The following PDE1C variants were observed in gnomAD, a reference collection of about 807,000 sequenced individuals.
PDE1C encodes phosphodiesterase 1C, also known as dual specificity calcium/calmodulin-dependent 3',5'-cyclic nucleotide phosphodiesterase 1C.
A neutral mutation model predicts 93.1 loss-of-function variants in PDE1C; 62 were observed. The observed-to-expected ratio is 0.67, with a 90% CI of 0.54 to 0.82. The LOEUF is 0.82. Among genes scored for constraint, PDE1C ranks in the 40% least tolerant of loss-of-function variants. The pLI, the probability that PDE1C is intolerant of heterozygous loss-of-function variation, is 0.00. For synonymous variants in PDE1C, 325 were observed against 310.1 expected (o/e 1.05, Z -0.50); for missense variants, 742 against 884.6 (o/e 0.84, Z 2.04).
At chr7:32,163,884 AG>A (rs1802064530) in intron 3 of PDE1C, among the ~76,000 whole-genome samples, 1 of 152,154 alleles carries the variant, frequency 6.6e-6, no homozygotes, top group South Asian at 2.1e-4. Flanking sequence ...TCTCCCAAAC[AG>A]GGTTTTAAAA....
chr7:32,384,230 G>C (rs910328153), intron 1 of PDE1C, among the ~76,000 whole-genome samples: 7 of 152,124 alleles, frequency 4.6e-5, no homozygotes, highest in African/African-American at 1.7e-4. Flanking sequence ...AATAAACATG[G>C]TTTCAGTCCA....
intron 1 of PDE1C, among the ~76,000 whole-genome samples, chr7:32,355,992 C>A (rs1445255627): frequency 6.6e-6 from 1 of 152,148 alleles, no homozygotes; most frequent in Non-Finnish European, 1.5e-5. Context: ...GGGATGTGTT[C>A]CTCATTGAGA....
intron 2 of PDE1C, among the ~76,000 whole-genome samples, chr7:31,961,321 T>C (rs1808925314): frequency 6.6e-6 from 1 of 151,960 alleles, no homozygotes; most frequent in South Asian, 2.1e-4. Flanking sequence ...TACACACATA[T>C]ATACATATAC....
chr7:31,724,815 A>G, the PDE1C span, among the ~76,000 whole-genome samples: 1 of 152,158 alleles, frequency 6.6e-6, no homozygotes, highest in Non-Finnish European at 1.5e-5. Flanking sequence ...ATAGACATAT[A>G]AGGTGGGCTG....
At chr7:32,350,576 ATATATATATATATATTTTT>A (rs1218819492) in intron 1 of PDE1C, among the ~76,000 whole-genome samples, 9 of 874 alleles carry the variant, frequency 0.01, 2 homozygotes, top group African/African-American at 0.012. Context: ...ATATATATAT[ATATATATATATATATTTTT>A]TTTTTTTTTT....
At position 31,977,624 on chromosome 7, in the gene PDE1C, T is replaced by C. The variant is rs376487197; in HGVS notation, c.128+73930A>G. ...ACCTGACCCAAATTACTTTGTATCA[T>C]GCTACACTAATCACTACTATCATAA... On this transcript the variant is annotated intron_variant, in intron 2 of 17. Coordinates refer to ENST00000396191, the MANE Select transcript of PDE1C (RefSeq NM_001191057.4). Among the ~76,000 whole-genome samples, 11 of 152,308 alleles carry C rather than the reference T, an allele frequency of 7.2e-5. 3 individuals are homozygous for C.
upstream of PDE1C, among the ~76,000 whole-genome samples, chr7:32,071,824 G>A (rs1440955173): frequency 6.6e-6 from 1 of 152,152 alleles, no homozygotes; most frequent in Non-Finnish European, 1.5e-5. Flanking sequence ...GATTGCAAGC[G>A]ACATCACAGA....
intron 17 of PDE1C, among the ~76,000 whole-genome samples, chr7:31,762,528 T>C (rs981145622): frequency 6.6e-6 from 1 of 152,006 alleles, no homozygotes; most frequent in African/African-American, 2.4e-5. Context: ...TTAGTAGAAA[T>C]GGGGTTTCAC....
chr7:31,823,682 C>G (rs1445799227), intron 13 of PDE1C, among the ~76,000 whole-genome samples: 1 of 152,090 alleles, frequency 6.6e-6, no homozygotes, highest in African/African-American at 2.4e-5. Flanking sequence ...CTCTACCATT[C>G]CCCTGCAAGG....
chr7:31,731,432 C>G, the PDE1C span, among the ~76,000 whole-genome samples: 1,723 of 152,062 alleles, frequency 0.011, 25 homozygotes, highest in African/African-American at 0.038. Flanking sequence ...GCTCTGTCAC[C>G]CAGGCTGGAG....
intron 3 of PDE1C, chr7:32,077,801 C>G: frequency 1.1e-6 from 1 of 921,092 alleles, no homozygotes; most frequent in Non-Finnish European, 1.3e-6. Context: ...TAACTCCTGA[C>G]TTCAGGATCC....
At chr7:31,618,288 A>G in the PDE1C span, among the ~76,000 whole-genome samples, 1 of 152,276 alleles carries the variant, frequency 6.6e-6, no homozygotes, top group South Asian at 2.1e-4. Context: ...AATACCCCAT[A>G]AAAAGTAATT....
intron 17 of PDE1C, among the ~76,000 whole-genome samples, chr7:31,757,860 C>T (rs970253633): frequency 6.6e-6 from 1 of 152,106 alleles, no homozygotes; most frequent in Non-Finnish European, 1.5e-5. Flanking sequence ...ATGTTTATTG[C>T]AGCACTATTC....
intron 1 of PDE1C, among the ~76,000 whole-genome samples, chr7:32,278,712 T>C (rs1585068564): frequency 6.6e-6 from 1 of 152,214 alleles, no homozygotes. Context: ...AAAAAAGTTA[T>C]GATCCAGTAA....
At chr7:32,057,842 C>A (rs1371877096) in intron 1 of PDE1C, among the ~76,000 whole-genome samples, 1 of 152,128 alleles carries the variant, frequency 6.6e-6, no homozygotes, top group African/African-American at 2.4e-5. Flanking sequence ...ATCAAGTACT[C>A]CAGAATCAAA....
At chr7:31,693,876 TC>T in the PDE1C span, among the ~76,000 whole-genome samples, 1 of 152,232 alleles carries the variant, frequency 6.6e-6, no homozygotes, top group Non-Finnish European at 1.5e-5. Flanking sequence ...ATCCAATTAC[TC>T]TTTTAAAATT....
chr7:32,044,407 G>A (rs182027473), intron 2 of PDE1C, among the ~76,000 whole-genome samples: 6 of 152,278 alleles, frequency 3.9e-5, no homozygotes, highest in Middle Eastern at 3.4e-3. Context: ...GGAAGCAAGT[G>A]TAGGCAGCCT....
intron 3 of PDE1C, among the ~76,000 whole-genome samples, chr7:32,117,536 G>C (rs1799052063): frequency 6.6e-6 from 1 of 152,130 alleles, no homozygotes; most frequent in South Asian, 2.1e-4. Flanking sequence ...TCCTCTTTAT[G>C]TTTTCAAGTC....
At chr7:32,329,405 C>T (rs1783468069) in intron 1 of PDE1C, among the ~76,000 whole-genome samples, 1 of 152,126 alleles carries the variant, frequency 6.6e-6, no homozygotes, top group South Asian at 2.1e-4. Context: ...CCTGTGTACT[C>T]TTCAACAGAG....
Sources: gnomAD v4.1 joint callset for allele counts (sites outside exome capture counted in the v4.1 genomes callset) on GRCh38, gnomAD v4.1.1 for gene constraint, MANE v1.5 for transcripts, NCBI Gene and HGNC (gene_info 2026-07-23, HGNC 2026-07-21) for gene names.